SLC25A22: variants seen among roughly 807,000 people sequenced by gnomAD.
SLC25A22 encodes the protein mitochondrial glutamate carrier 1.
Under a neutral mutation model 33.7 loss-of-function variants are expected in SLC25A22, and 23 were observed. The ratio of observed to expected loss-of-function variants is 0.68; its 90% CI spans 0.49 to 0.97. The LOEUF is 0.97. Among genes scored for constraint, SLC25A22 ranks in the 50% least tolerant of loss-of-function variants. The probability of loss-of-function intolerance (pLI) is 0.00; values close to 1 mark genes in which losing one functional copy is unlikely to be tolerated. For missense variants in SLC25A22, 390 were observed against 451.1 expected (o/e 0.86, Z 1.23); for synonymous variants, 245 against 203.8 (o/e 1.20, Z -1.72).
chr11:796,985 G>A (rs1864857833), intron 1 of SLC25A22, among the ~76,000 whole-genome samples: 2 of 151,998 alleles, frequency 1.3e-5, no homozygotes, highest in African/African-American at 2.4e-5. Context: ...ACTGGCCACA[G>A]CTCTCCGGGC....
At chr11:793,833 C>T in intron 4 of SLC25A22, 1 of 601,416 alleles carries the variant, frequency 1.7e-6, no homozygotes, top group Non-Finnish European at 3.0e-6. Context: ...CCCATGCCCA[C>T]TGCAGCTCCA....
intron 3 of SLC25A22, 82 bp from the exon 4 acceptor site, chr11:794,595 G>A (rs778280344): frequency 1.3e-6 from 2 of 1,564,388 alleles, no homozygotes; most frequent in Non-Finnish European, 1.7e-6. Flanking sequence ...AGGGCTGATA[G>A]AAGAGGCCAA....
chr11:791,926 G>C lies in SLC25A22; in HGVS notation c.961C>G (p.Pro321Ala). 6.3e-7 allele frequency: 1 copy of C among 1,599,696 alleles called. No homozygotes were observed. The highest frequency in any genetic ancestry group is 2.2e-5 in the East Asian group (1 of 44,786). ...AESLLGLLQD[P>A]QA ...AGCGGGTGCTGGGCTCAGGCCTGGG[G>C]GTCCTGCAGCAGCCCCAGCAGGGAC... The change falls in exon 10 of 10, where the codon CCC becomes GCC. Residue 321 changes from proline to alanine, a missense_variant. Physicochemically the swap from Pro to Ala is conservative, Grantham distance 27. Transcript: ENST00000628067.
intron 1 of SLC25A22, chr11:797,659 C>A: frequency 2.5e-6 from 1 of 398,680 alleles, no homozygotes. Flanking sequence ...GCCGGCGGCT[C>A]CCCATTCAAT....
At chr11:793,419 A>T in intron 5 of SLC25A22, 110 bp downstream of exon 5, 1 of 1,019,100 alleles carries the variant, frequency 9.8e-7, no homozygotes, top group Non-Finnish European at 1.5e-6. Flanking sequence ...AGCCCCAAGC[A>T]AGGGGCTGAA....
In SLC25A22 at chr11:795,116, G is replaced by C. The variant is rs1864735731; in HGVS notation, c.-110C>G. The C allele has an allele frequency of 7.5e-7, 1 of 1,331,004 alleles. No individual in the cohort carries two copies. The highest frequency in any genetic ancestry group is 1.5e-5 in the African/African-American group (1 of 68,874). The allele number at this position is 1,331,004 out of a possible 1,614,324, so 82.4% of individuals were successfully genotyped here. A position where few individuals can be genotyped will look rare whatever the true frequency, so the allele number is the denominator to read the frequency against. ...GGAGGGTGGGACCCAGGGGGGTTGG[G>C]TGGTGCTCCACCTTCAGGGGAATTT... On this transcript the variant is annotated 5_prime_UTR_variant, in exon 2 of 10. Transcript: ENST00000628067.
intron 1 of SLC25A22, among the ~76,000 whole-genome samples, chr11:797,144 G>A (rs552007950): frequency 6.6e-6 from 1 of 152,206 alleles, no homozygotes; most frequent in South Asian, 2.1e-4. Flanking sequence ...AAGTCAGGCC[G>A]ACCGAGGTGG....
chr11:791,550 T>A lies in SLC25A22; in HGVS notation c.*365A>T. 1 of 343,740 alleles carries A rather than the reference T, an allele frequency of 2.9e-6. No homozygotes were observed. 21.3% of individuals were successfully genotyped at this position (343,740 alleles called of 1,614,324 possible). ...TGTGGGCCAGGATGGCTGTGGAGAC[T>A]GGAGCTGGTGGACTGGGGGTATGGT... On this transcript the variant is annotated 3_prime_UTR_variant, in exon 10 of 10. Coordinates refer to ENST00000628067, the MANE Select transcript of SLC25A22 (RefSeq NM_001191061.2).
At position 791,824 on chromosome 11, in the gene SLC25A22, G is replaced by A. The variant is rs1253582537; in HGVS notation, c.*91C>T. On this transcript the variant is annotated 3_prime_UTR_variant, in exon 10 of 10. Coordinates refer to ENST00000628067, the MANE Select transcript of SLC25A22 (RefSeq NM_001191061.2). ...CCCTGCCGACGGGAGGGCTGGGGAG[G>A]GGTCTTCCCTTGCTCCGTCCTGGGC... 7.0e-5 allele frequency: 103 copies of A among 1,466,334 alleles called. No homozygotes were observed. The highest frequency in any genetic ancestry group is 9.1e-5 in the Non-Finnish European group (101 of 1,107,034). The allele number at this position is 1,466,334 out of a possible 1,614,324, so 90.8% of individuals were successfully genotyped here.
chr11:793,391 G>A (rs1245477798), intron 5 of SLC25A22, 138 bp downstream of exon 5: 3 of 766,786 alleles, frequency 3.9e-6, no homozygotes, highest in Non-Finnish European at 6.7e-6. Flanking sequence ...GAGGGAGGGT[G>A]CCCCACGAGG....
chr11:791,499 A>G lies in SLC25A22; in HGVS notation c.*416T>C. 1 of 244,884 alleles carries G rather than the reference A, an allele frequency of 4.1e-6. No homozygotes were observed. Among genetic ancestry groups the G allele is most frequent in the Non-Finnish European group, 8.1e-6 (1 of 124,132 alleles). 15.2% of individuals were successfully genotyped at this position (244,884 alleles called of 1,614,324 possible). ...GAGCCGCTTGGGTCCAGCAGATTCA[A>G]TAAATAGGTTTGTGTGGGGTGCCTG... is the stretch of plus-strand genomic sequence containing the variant. On this transcript the variant is annotated 3_prime_UTR_variant, in exon 10 of 10. Transcript: ENST00000628067.
intron 4 of SLC25A22, 52 bp downstream of exon 4, chr11:794,406 G>A (rs570693233): frequency 2.1e-5 from 33 of 1,592,636 alleles, no homozygotes; most frequent in South Asian, 1.6e-4. Context: ...GCCACGACTC[G>A]CGGGCGCTAC....
intron 2 of SLC25A22, 32 bp from the exon 3 acceptor site, chr11:794,933 C>A: frequency 6.4e-7 from 1 of 1,564,060 alleles, no homozygotes; most frequent in East Asian, 2.4e-5. Context: ...GACCGGCTTC[C>A]TTGACCATGG....
chr11:795,046 C>T lies in SLC25A22; in HGVS notation c.-40G>A, dbSNP rs1162472510. ...CCCAGGTAGGAGCCGCAGAGGTGGA[C>T]GCCAGGCCAGGCGGGGTGGAGGTGG... On this transcript the variant is annotated 5_prime_UTR_variant, in exon 2 of 10. Coordinates refer to ENST00000628067, the MANE Select transcript of SLC25A22 (RefSeq NM_001191061.2). 9.7e-6 allele frequency: 15 copies of T among 1,550,754 alleles called. No individual in the cohort carries two copies. The highest frequency in any genetic ancestry group is 2.4e-5 in the East Asian group (1 of 41,118).
At position 794,886 on chromosome 11, in the gene SLC25A22, G is replaced by T. The variant is rs1172103007; in HGVS notation, c.36C>A (p.Leu12=). Residue 12 remains leucine, a synonymous_variant, in exon 3 of 10, where the codon CTC becomes CTA. Transcript: ENST00000628067. ...ADKQISLPAK[L]INGGIAGLIG... is the part of the protein sequence containing the mutation. ...TCAGCCCGGCGATGCCGCCATTGAT[G>T]AGCTTGGCTGGCAGGCTGTGTGGAC... The T allele has an allele frequency of 1.3e-6, 2 of 1,566,134 alleles. No individual in the cohort carries two copies. Among genetic ancestry groups the T allele is most frequent in the Admixed American group, 1.9e-5 (1 of 52,254 alleles).
At chr11:795,874 C>A (rs1864800139) in intron 1 of SLC25A22, among the ~76,000 whole-genome samples, 1 of 152,116 alleles carries the variant, frequency 6.6e-6, no homozygotes, top group Non-Finnish European at 1.5e-5. Flanking sequence ...GTGGCTGGCA[C>A]CCCCATCCAC....
intron 1 of SLC25A22, chr11:797,956 G>C: frequency 2.5e-6 from 1 of 398,380 alleles, no homozygotes; most frequent in Non-Finnish European, 4.4e-6. Context: ...TTCTTCCTTG[G>C]GCTCGGGCCC....
rs995215197 is a variant in SLC25A22, at chr11:798,206, C to T, written c.-164+11G>A. The T allele has an allele frequency of 1.3e-5, 5 of 397,266 alleles. No individual in the cohort carries two copies. The highest frequency in any genetic ancestry group is 8.2e-5 in the African/African-American group (4 of 48,500). 24.6% of individuals were successfully genotyped at this position (397,266 alleles called of 1,614,324 possible). ...GGCGCAGCAGAAGGGAGCCGCCGGG[C>T]AGACACTCACCACGCTCGCCGCCGC... On this transcript the variant is annotated intron_variant, in intron 1 of 9. Transcript: ENST00000628067.
intron 5 of SLC25A22, 159 bp downstream of exon 5, chr11:793,370 T>A (rs371121156): frequency 4.2e-6 from 3 of 711,554 alleles, no homozygotes; most frequent in African/African-American, 3.5e-5. Flanking sequence ...GCTCCCCTGG[T>A]CAGGGGAAAG....
Sources: gnomAD v4.1 joint callset for allele counts (sites outside exome capture counted in the v4.1 genomes callset) on GRCh38, gnomAD v4.1.1 for gene constraint, MANE v1.5 for transcripts, NCBI Gene and HGNC (gene_info 2026-07-23, HGNC 2026-07-21) for gene names.